GCFC2: variants seen among roughly 807,000 people sequenced by gnomAD.
The protein encoded by GCFC2 is GC-rich sequence DNA-binding factor 2.
GCFC2 carries 102 observed loss-of-function variants against 99.4 expected under a neutral mutation model. The observed-to-expected ratio is 1.03, with a 90% CI of 0.87 to 1.21. The LOEUF (loss-of-function observed/expected upper bound fraction) is 1.21. Among genes scored for constraint, GCFC2 ranks in the 50% most tolerant of loss-of-function variants. The probability of loss-of-function intolerance (pLI) is 0.00; values close to 1 mark genes in which losing one functional copy is unlikely to be tolerated. For synonymous variants in GCFC2, 338 were observed against 316.8 expected (o/e 1.07, Z -0.71); for missense variants, 973 against 920.9 (o/e 1.06, Z -0.73).
rs1247318204 is a variant in GCFC2, at chr2:75,665,983, T to C, written c.2174A>G (p.Asn725Ser). Residue 725 changes from asparagine to serine, a missense_variant, in exon 16 of 17, where the codon AAC becomes AGC. Asn to Ser is a conservative substitution (Grantham distance 46). Coordinates refer to ENST00000321027, the MANE Select transcript of GCFC2 (RefSeq NM_003203.5). ...AGACTGCAATAAAAACTGAATGAAGTTTTCTAGCTGTGGAATAGATGTCCT... is the reference window on the plus strand; with the variant it reads ...AGACTGCAATAAAAACTGAATGAAGCTTTCTAGCTGTGGAATAGATGTCCT... ...AMRTSIPQLENFIQFLLQSAH... is the reference protein window; with the variant it reads ...AMRTSIPQLESFIQFLLQSAH... The C allele has an allele frequency of 6.2e-7, 1 of 1,602,402 alleles. No homozygotes were observed. Among genetic ancestry groups the C allele is most frequent in the South Asian group, 1.1e-5 (1 of 90,502 alleles).
At chr2:75,703,556 T>C (rs1461596818) in intron 2 of GCFC2, among the ~76,000 whole-genome samples, 1 of 152,072 alleles carries the variant, frequency 6.6e-6, no homozygotes, top group African/African-American at 2.4e-5. Context: ...TAATAGAAAA[T>C]GAAGTGATTT....
At chr2:75,709,838 T>C (rs1293929797) in intron 1 of GCFC2, among the ~76,000 whole-genome samples, 1 of 152,200 alleles carries the variant, frequency 6.6e-6, no homozygotes, top group African/African-American at 2.4e-5. Flanking sequence ...TTAATAAAAA[T>C]CACTTTAATG....
At chr2:75,687,136 A>C (rs1376424715) in intron 11 of GCFC2, among the ~76,000 whole-genome samples, 1 of 152,146 alleles carries the variant, frequency 6.6e-6, no homozygotes, top group Non-Finnish European at 1.5e-5. Flanking sequence ...AGGTTTCGCC[A>C]TGGTGGCCAG....
intron 8 of GCFC2, 118 bp from the exon 9 acceptor site, chr2:75,690,199 TG>T: frequency 1.5e-6 from 1 of 656,426 alleles, no homozygotes; most frequent in South Asian, 1.9e-5. Flanking sequence ...TTATTTTAAA[TG>T]GCCAGAAATA....
At position 75,664,695 on chromosome 2, in the gene GCFC2, G is replaced by A; in HGVS notation, c.2317C>T (p.His773Tyr). The change falls in exon 17 of 17, where the codon CAT becomes TAT. Residue 773 changes from histidine to tyrosine, a missense_variant. Transcript: ENST00000321027. ...ESFIGEHHLD[H>Y]LKSLIKED ...TCTTCTTTAATTAGTGATTTAAGAT[G>A]GTCTAGGTGATGCTCTCCTATGAAG... The A allele has an allele frequency of 6.7e-7, 1 of 1,493,964 alleles. No individual in the cohort carries two copies. Among genetic ancestry groups the A allele is most frequent in the Non-Finnish European group, 9.3e-7 (1 of 1,073,330 alleles). The allele number at this position is 1,493,964 out of a possible 1,614,324, so 92.5% of individuals were successfully genotyped here.
intron 5 of GCFC2, among the ~76,000 whole-genome samples, chr2:75,695,918 A>C (rs1044311218): frequency 6.6e-6 from 1 of 152,176 alleles, no homozygotes; most frequent in South Asian, 2.1e-4. Flanking sequence ...ATGCAATTTA[A>C]AACATATGAA....
At position 75,663,333 on chromosome 2, in the gene GCFC2, T is replaced by C. The variant is rs904399956; in HGVS notation, c.*1333A>G. On this transcript the variant is annotated 3_prime_UTR_variant, in exon 17 of 17. Transcript: ENST00000321027. ...AGTTTCCCTTAAGTTATTTAATAAG[T>C]AGACTTAGAAAAATTACTAGTAAAC... The C allele has an allele frequency of 1.3e-5, 2 of 152,190 alleles. No individual in the cohort carries two copies. The highest frequency in any genetic ancestry group is 6.5e-5 in the Admixed American group (1 of 15,282). The allele number at this position is 152,190 out of a possible 1,614,324, so 9.4% of individuals were successfully genotyped here. A position where few individuals can be genotyped will look rare whatever the true frequency, so the allele number is the denominator to read the frequency against.
In GCFC2 at chr2:75,710,799, G is replaced by A. The variant is rs763259272; in HGVS notation, c.57C>T (p.Ser19=). 6 of 1,578,016 alleles carry A rather than the reference G, an allele frequency of 3.8e-6. No individual in the cohort carries two copies. The South Asian group carries it at 5.8e-5, about 15-fold the overall frequency. The change falls in exon 1 of 17, where the codon AGC becomes AGT. Residue 19 remains serine, a synonymous_variant. Transcript: ENST00000321027. ...CAGCAGGCGACTCCTCGGCGCCATC[G>A]CTGTCGCTGGAATCAGCCGCGCGCT... ...FRQRAADSSD[S]DGAEESPAEP...
At chr2:75,669,927 G>A in intron 15 of GCFC2, 1 of 338,378 alleles carries the variant, frequency 3.0e-6, no homozygotes, top group Non-Finnish European at 5.6e-6. Context: ...GTTTCACCAT[G>A]TTGGTGAGGC....
At position 75,694,218 on chromosome 2, in the gene GCFC2, TATAA is replaced by T. The variant is rs1368348234; in HGVS notation, c.1020+19_1020+22del. On this transcript the variant is annotated intron_variant, in intron 6 of 16. Transcript: ENST00000321027. Reference sequence around the variant, plus strand: ...GGGTTTTCTCCAAAAAAGGAAATGATATAAATAAATATTGATATGTACCTTTTCA... The same window carrying T: ...GGGTTTTCTCCAAAAAAGGAAATGATATAAATATTGATATGTACCTTTTCA... 8.1e-6 allele frequency: 5 copies of T among 619,786 alleles called. No individual in the cohort carries two copies. The Admixed American group carries it at 8.4e-5, about 10-fold the overall frequency. The allele number at this position is 619,786 out of a possible 1,614,324, so 38.4% of individuals were successfully genotyped here.
chr2:75,698,854 T>C (rs1419010906), intron 4 of GCFC2, among the ~76,000 whole-genome samples: 3 of 151,720 alleles, frequency 2.0e-5, no homozygotes, highest in Non-Finnish European at 4.4e-5. Context: ...TCTACTAAAA[T>C]ACAAAAAATC....
At chr2:75,695,653 T>C (rs1680280179) in intron 5 of GCFC2, among the ~76,000 whole-genome samples, 1 of 152,186 alleles carries the variant, frequency 6.6e-6, no homozygotes, top group Non-Finnish European at 1.5e-5. Context: ...TATACATAGG[T>C]AACTATGATA....
At chr2:75,701,072 A>G (rs1296082000) in intron 4 of GCFC2, 118 bp downstream of exon 4, 7 of 631,370 alleles carry the variant, frequency 1.1e-5, no homozygotes, top group East Asian at 5.6e-5. Context: ...CCTTGACTTC[A>G]GATTTTGGCC....
intron 4 of GCFC2, among the ~76,000 whole-genome samples, chr2:75,699,964 G>A (rs1680508101): frequency 1.3e-5 from 2 of 150,118 alleles, no homozygotes; most frequent in South Asian, 4.2e-4. Flanking sequence ...GCAGTGGCGT[G>A]ATCTTGGCTC....
chr2:75,688,978 A>T, intron 10 of GCFC2, 48 bp downstream of exon 10: 1 of 1,022,556 alleles, frequency 9.8e-7, no homozygotes, highest in South Asian at 1.4e-5. Flanking sequence ...AGGGAATTTA[A>T]GCAACTAATA....
intron 7 of GCFC2, among the ~76,000 whole-genome samples, chr2:75,691,129 G>T (rs1254297633): frequency 6.6e-6 from 1 of 152,114 alleles, no homozygotes; most frequent in African/African-American, 2.4e-5. Flanking sequence ...GTCGATGCCT[G>T]AAACTGCATA....
At chr2:75,703,345 T>C (rs1680694766) in intron 2 of GCFC2, among the ~76,000 whole-genome samples, 1 of 152,136 alleles carries the variant, frequency 6.6e-6, no homozygotes, top group Non-Finnish European at 1.5e-5. Context: ...CCAAATTCTT[T>C]GAGAAATAAA....
At chr2:75,699,011 CAAAA>C (rs57676585) in intron 4 of GCFC2, among the ~76,000 whole-genome samples, 7 of 84,452 alleles carry the variant, frequency 8.3e-5, no homozygotes, top group African/African-American at 8.0e-5. Flanking sequence ...AACTCTGTCT[CAAAA>C]AAAAAAAAAA....
intron 4 of GCFC2, among the ~76,000 whole-genome samples, chr2:75,699,532 G>A (rs1224655818): frequency 1.3e-5 from 2 of 152,190 alleles, no homozygotes; most frequent in Non-Finnish European, 2.9e-5. Flanking sequence ...CATTTGTTAT[G>A]TTTCAAAGCT....
Sources: gnomAD v4.1 joint callset for allele counts (sites outside exome capture counted in the v4.1 genomes callset) on GRCh38, gnomAD v4.1.1 for gene constraint, MANE v1.5 for transcripts, NCBI Gene and HGNC (gene_info 2026-07-23, HGNC 2026-07-21) for gene names.